KIF3A: variants seen among roughly 807,000 people sequenced by gnomAD.
KIF3A encodes the protein kinesin family member 3A.
KIF3A carries 27 observed loss-of-function variants against 92.6 expected under a neutral mutation model. The ratio of observed to expected loss-of-function variants is 0.29; its 90% CI spans 0.21 to 0.40. The LOEUF is 0.40. Ranked by LOEUF, KIF3A falls within the 10% of genes least tolerant of loss-of-function variation. KIF3A has a pLI of 1.00. For synonymous variants in KIF3A, 250 were observed against 275.4 expected (o/e 0.91, Z 0.92); for missense variants, 581 against 872.6 (o/e 0.67, Z 4.21).
At chr5:132,709,987 A>G (rs1753360360) in intron 9 of KIF3A, among the ~76,000 whole-genome samples, 1 of 152,230 alleles carries the variant, frequency 6.6e-6, no homozygotes, top group Non-Finnish European at 1.5e-5. Flanking sequence ...TTAATAAGAC[A>G]AACAAAATAT....
At position 132,703,001 on chromosome 5, in the gene KIF3A, C is replaced by T. The variant is rs1257134210; in HGVS notation, c.1531G>A (p.Val511Ile). The T allele has an allele frequency of 1.2e-5, 19 of 1,612,542 alleles. No individual in the cohort carries two copies. In the East Asian group the frequency reaches 3.8e-4, roughly 32 times the overall value. The part of the protein sequence containing the change: ...ALEKKVIVGG[V>I]DLLAKAEEQE... The stretch of plus-strand genomic sequence containing the variant: ...TCCTCAGCTTTGGCCAACAAGTCAA[C>T]CCCACCAACAATTACCTTCTTTTCC... The change falls in exon 13 of 19, where the codon GTT becomes ATT. Residue 511 changes from valine to isoleucine, a missense_variant. Val to Ile is a conservative substitution (Grantham distance 29). Around this residue, in one of 5 missense-constraint regions of KIF3A, gnomAD observed 45 missense variants for 115.8 expected, o/e 0.39. Coordinates refer to ENST00000403231, the MANE Select transcript of KIF3A (RefSeq NM_001300791.2).
At chr5:132,703,994 T>G (rs376180473) in intron 11 of KIF3A, among the ~76,000 whole-genome samples, 6 of 152,046 alleles carry the variant, frequency 3.9e-5, no homozygotes, top group African/African-American at 1.4e-4. Flanking sequence ...CTTCAGTTAC[T>G]TTTTCCTGAT....
chr5:132,724,833 ATATATATATATATATATATATATT>A (rs749579767), intron 4 of KIF3A, among the ~76,000 whole-genome samples: 18,772 of 78,662 alleles, frequency 0.24, 3,265 homozygotes, highest in South Asian at 0.33. Context: ...ATATATATAT[ATATATATATATATATATATATATT>A]AAAAAATCAT....
At chr5:132,721,657 A>G (rs1021039601) in intron 4 of KIF3A, 1 of 152,106 alleles carries the variant, frequency 6.6e-6, no homozygotes, top group Non-Finnish European at 1.5e-5. Context: ...TAAATTTACA[A>G]ATTAGGAAAA....
chr5:132,717,446 C>T (rs915966625), intron 5 of KIF3A, among the ~76,000 whole-genome samples: 2 of 152,032 alleles, frequency 1.3e-5, no homozygotes, highest in East Asian at 1.9e-4. Flanking sequence ...GCTGAGATTG[C>T]GCCACTGCAC....
At chr5:132,689,869 G>A (rs573136110), downstream of KIF3A, 1 of 152,236 alleles carries the variant, frequency 6.6e-6, no homozygotes, top group South Asian at 2.1e-4. Context: ...GTGGGGGAGA[G>A]GAAGACCCCT....
chr5:132,713,889 CTTT>C (rs34191042), intron 8 of KIF3A, among the ~76,000 whole-genome samples: 2 of 83,770 alleles, frequency 2.4e-5, no homozygotes, highest in South Asian at 5.1e-4. Context: ...ATTTCACTTT[CTTT>C]TTTTTTTTTT....
At position 132,702,115 on chromosome 5, in the gene KIF3A, A is replaced by G. The variant is rs765019306; in HGVS notation, c.1856T>C (p.Ile619Thr). 1.9e-6 allele frequency: 3 copies of G among 1,613,564 alleles called. No homozygotes were observed. Among genetic ancestry groups the G allele is most frequent in the East Asian group, 2.2e-5 (1 of 44,866 alleles). ...ATAATCCCGAGGTATAAAGTTATCA[A>G]TAATAAGCATCTGAAGTCGAAGCTC... ...SRELRLQMLIIDNFIPRDYQE... is the reference protein window; with the variant it reads ...SRELRLQMLITDNFIPRDYQE... The change falls in exon 15 of 19, where the codon ATT (isoleucine) becomes ACT (threonine). Residue 619 changes from isoleucine to threonine, a missense_variant. By Grantham distance (89) the Ile-to-Thr change is moderately conservative (BLOSUM62 -1). Around this residue, in one of 5 missense-constraint regions of KIF3A, gnomAD observed 112 missense variants for 144.3 expected, o/e 0.78. Coordinates refer to ENST00000403231, the MANE Select transcript of KIF3A (RefSeq NM_001300791.2).
chr5:132,702,946 A>G lies in KIF3A; in HGVS notation c.1586T>C (p.Met529Thr), dbSNP rs781638767. 11 of 1,613,402 alleles carry G rather than the reference A, an allele frequency of 6.8e-6. No homozygotes were observed. Among genetic ancestry groups the G allele is most frequent in the Non-Finnish European group, 9.3e-6 (11 of 1,179,782 alleles). Residue 529 changes from methionine (M) to threonine (T), a missense_variant, in exon 13 of 19, where the codon ATG (methionine) becomes ACG (threonine). This residue lies in a region of KIF3A where 45 missense variants were observed against 115.8 expected (regional missense o/e 0.39). Transcript: ENST00000403231. ...EQEKLLEESN[M>T]ELEERRKRAE... is the part of the protein sequence containing the mutation. ...TCTTTTCCTCCTTTCTTCCAGTTCC[A>G]TGTTAGATTCTTCAAGAAGTTTCTC...
intron 2 of KIF3A, among the ~76,000 whole-genome samples, chr5:132,731,646 G>A (rs1159805500): frequency 6.6e-6 from 1 of 151,646 alleles, no homozygotes; most frequent in African/African-American, 2.4e-5. Context: ...GGTGCTATCA[G>A]GTAACAAAAA....
chr5:132,737,296 G>T, intron 1 of KIF3A, 118 bp downstream of exon 1: 1 of 1,200,498 alleles, frequency 8.3e-7, no homozygotes, highest in Non-Finnish European at 1.1e-6. Flanking sequence ...GCACGACCGA[G>T]CCTGCCCCGC....
intron 18 of KIF3A, among the ~76,000 whole-genome samples, chr5:132,698,882 C>A (rs1337973643): frequency 6.6e-6 from 1 of 152,042 alleles, no homozygotes; most frequent in Admixed American, 6.6e-5. Flanking sequence ...GGATTACAGG[C>A]ATGCGCCACC....
At position 132,726,116 on chromosome 5, in the gene KIF3A, A is replaced by G. The variant is rs1428672580; in HGVS notation, c.510+12T>C. On this transcript the variant is annotated intron_variant, in intron 4 of 18. Coordinates refer to ENST00000403231, the MANE Select transcript of KIF3A (RefSeq NM_001300791.2). ...TTGGAAAAAGTACTCCACCAATTTC[A>G]ATTATCCTTACCTCTAACCTTTGTG... The G allele has an allele frequency of 5.7e-6, 9 of 1,569,410 alleles. No individual in the cohort carries two copies. The East Asian group carries it at 2.0e-4, about 35-fold the overall frequency.
chr5:132,712,682 T>C lies in KIF3A; in HGVS notation c.1130-1625A>G, dbSNP rs533324531. 1.2e-3 allele frequency among the ~76,000 whole-genome samples: 187 copies of C among 152,266 alleles called. 1 individual carries two copies. Among genetic ancestry groups the C allele is most frequent in the African/African-American group, 4.4e-3 (183 of 41,534 alleles). On this transcript the variant is annotated intron_variant, in intron 8 of 18. Transcript: ENST00000403231. The stretch of plus-strand genomic sequence containing the variant: ...CCACAAGATACATGTTAATTACGAA[T>C]GGAAACATAAAACAATAGATTTGCA...
chr5:132,702,011 T>G, intron 15 of KIF3A, 76 bp downstream of exon 15: 1 of 1,400,456 alleles, frequency 7.1e-7, no homozygotes, highest in Non-Finnish European at 9.8e-7. Context: ...TAAGTATTTA[T>G]CATCAGTTAA....
At chr5:132,690,876 GA>G (rs1752646686), downstream of KIF3A, among the ~76,000 whole-genome samples, 2 of 151,650 alleles carry the variant, frequency 1.3e-5, no homozygotes, top group Admixed American at 1.3e-4. Context: ...GCAGTGAGCT[GA>G]AATCGTGCCA....
chr5:132,725,770 A>G (rs1186104130), intron 4 of KIF3A, among the ~76,000 whole-genome samples: 1 of 152,188 alleles, frequency 6.6e-6, no homozygotes, highest in Non-Finnish European at 1.5e-5. Context: ...ATATTATTCT[A>G]CAATGGCAGC....
intron 7 of KIF3A, 28 bp downstream of exon 7, chr5:132,716,217 G>C (rs1386569674): frequency 5.8e-6 from 9 of 1,541,324 alleles, no homozygotes; most frequent in Non-Finnish European, 8.1e-6. Context: ...TTTGCCTGAT[G>C]TTAACTATAT....
chr5:132,699,561 T>C (rs996915220), intron 17 of KIF3A: 1 of 186,552 alleles, frequency 5.4e-6, no homozygotes, highest in Non-Finnish European at 1.1e-5. Flanking sequence ...CTTCTTCTTC[T>C]TTTTTTTTTT....
Sources: allele counts gnomAD v4.1 joint callset (sites outside exome capture counted in the v4.1 genomes callset), GRCh38; gene constraint gnomAD v4.1.1; regional missense constraint gnomAD v4.1.1; transcripts MANE v1.5; gene names NCBI Gene and HGNC (gene_info 2026-07-23, HGNC 2026-07-21).